Variants in GRIN2A observed in about 807,000 individuals in gnomAD.
The protein encoded by GRIN2A is glutamate ionotropic receptor NMDA type subunit 2A.
A neutral mutation model predicts 113.4 loss-of-function variants in GRIN2A; 22 were observed. That is an observed-to-expected ratio of 0.19 (90% CI 0.14 to 0.28). GRIN2A has a LOEUF of 0.28. Ranked by LOEUF, GRIN2A falls within the 10% of genes least tolerant of loss-of-function variation. GRIN2A has a pLI of 1.00. For missense variants in GRIN2A, 1,502 were observed against 1,887.0 expected, an observed-to-expected ratio of 0.80 and a Z score of 3.78; for synonymous variants, 827 against 738.4, an observed-to-expected ratio of 1.12 and a Z score of -1.94.
chr16:10,034,338 A>C (rs2046983970), intron 2 of GRIN2A, among the ~76,000 whole-genome samples: 1 of 151,924 alleles, frequency 6.6e-6, no homozygotes, highest in Admixed American at 6.6e-5. Flanking sequence ...CATCTTGGCC[A>C]ATATGGTGAA....
intron 2 of GRIN2A, among the ~76,000 whole-genome samples, chr16:10,139,666 C>T (rs1327476522): frequency 3.3e-5 from 5 of 152,080 alleles, no homozygotes; most frequent in African/African-American, 1.2e-4. Flanking sequence ...TGCAACCTTA[C>T]CCAAACATAC....
At chr16:10,124,936 T>C (rs896597797) in intron 2 of GRIN2A, among the ~76,000 whole-genome samples, 8 of 151,988 alleles carry the variant, frequency 5.3e-5, no homozygotes, top group African/African-American at 1.7e-4. Context: ...CAGTGCAGAA[T>C]AGTGGGAAGA....
chr16:9,892,775 T>G (rs952052727), intron 3 of GRIN2A, among the ~76,000 whole-genome samples: 1 of 151,874 alleles, frequency 6.6e-6, no homozygotes, highest in Non-Finnish European at 1.5e-5. Context: ...TTGAGAAAAA[T>G]GTGATGTCGT....
chr16:10,155,662 T>C (rs1460037803), intron 2 of GRIN2A, among the ~76,000 whole-genome samples: 2 of 152,188 alleles, frequency 1.3e-5, no homozygotes, highest in African/African-American at 4.8e-5. Context: ...TGGTAACTTA[T>C]AAGGGAAAGA....
intron 2 of GRIN2A, among the ~76,000 whole-genome samples, chr16:10,070,148 C>G (rs575523595): frequency 6.6e-6 from 1 of 152,336 alleles, no homozygotes; most frequent in Admixed American, 6.5e-5. Flanking sequence ...ATCCTCAACT[C>G]GGGGAAGTCC....
intron 2 of GRIN2A, among the ~76,000 whole-genome samples, chr16:10,106,447 G>GA (rs937238384): frequency 4.0e-5 from 6 of 151,786 alleles, no homozygotes; most frequent in Non-Finnish European, 5.9e-5. Context: ...ATAAAAATAA[G>GA]AAAAACCTCC....
At chr16:10,098,465 A>G (rs909275003) in intron 2 of GRIN2A, among the ~76,000 whole-genome samples, 1 of 152,232 alleles carries the variant, frequency 6.6e-6, no homozygotes, top group Non-Finnish European at 1.5e-5. Context: ...ATCTACCCAG[A>G]GGAAAAGAAG....
chr16:9,856,120 C>T (rs1596502644), intron 4 of GRIN2A, among the ~76,000 whole-genome samples: 1 of 152,228 alleles, frequency 6.6e-6, no homozygotes, highest in Non-Finnish European at 1.5e-5. Flanking sequence ...CTCAAGGCAA[C>T]TGTAGGACAT....
chr16:9,944,427 C>T (rs963205796), intron 2 of GRIN2A, among the ~76,000 whole-genome samples: 1 of 152,140 alleles, frequency 6.6e-6, no homozygotes, highest in African/African-American at 2.4e-5. Flanking sequence ...CCTCCCTCCC[C>T]CTTCCTCTGT....
At chr16:9,953,863 C>A (rs2045241202) in intron 2 of GRIN2A, among the ~76,000 whole-genome samples, 1 of 152,114 alleles carries the variant, frequency 6.6e-6, no homozygotes, top group South Asian at 2.1e-4. Flanking sequence ...AGAAGCACAA[C>A]CTCAGAGTGG....
intron 4 of GRIN2A, among the ~76,000 whole-genome samples, chr16:9,886,420 G>A (rs573265775): frequency 1.3e-5 from 2 of 152,274 alleles, no homozygotes; most frequent in South Asian, 2.1e-4. Context: ...AAGGAACCCA[G>A]TATATACATT....
intron 2 of GRIN2A, among the ~76,000 whole-genome samples, chr16:9,988,701 A>G (rs2046036553): frequency 2.0e-5 from 3 of 152,194 alleles, no homozygotes. Context: ...CTCCATTATG[A>G]GGAACAGGGA....
intron 2 of GRIN2A, among the ~76,000 whole-genome samples, chr16:10,070,600 A>C (rs2047730779): frequency 6.6e-6 from 1 of 152,162 alleles, no homozygotes; most frequent in South Asian, 2.1e-4. Flanking sequence ...TCCTAGTGAC[A>C]CTGAGATATT....
At chr16:9,914,905 CTTTTTTTTTTTTTTTTTTTTTT>C (rs869182389) in intron 3 of GRIN2A, among the ~76,000 whole-genome samples, 367 of 33,456 alleles carry the variant, frequency 0.011, 8 homozygotes, top group African/African-American at 0.028. Context: ...GATTATGCAG[CTTTTTTTTTTTTTTTTTTTTTT>C]TTTTTTTTTT....
chr16:10,156,075 G>C (rs914218377), intron 2 of GRIN2A, among the ~76,000 whole-genome samples: 1 of 152,180 alleles, frequency 6.6e-6, no homozygotes, highest in African/African-American at 2.4e-5. Flanking sequence ...ATCTAGCCCA[G>C]GGTCCAGGAA....
chr16:9,956,487 C>T lies in GRIN2A; in HGVS notation c.415-17936G>A, dbSNP rs376763422. Among the ~76,000 whole-genome samples the T allele has an allele frequency of 6.6e-5, 10 of 152,204 alleles. No homozygotes were observed. The East Asian group carries it at 1.7e-3, about 26-fold the overall frequency. On this transcript the variant is annotated intron_variant, in intron 2 of 12. Coordinates refer to ENST00000330684, the MANE Select transcript of GRIN2A (RefSeq NM_001134407.3). Reference sequence around the variant, plus strand: ...CCAACTTCTAGAACTGCACAGTGAGCCAGATGTCAATTATCACTTAACTGT... The same window carrying T: ...CCAACTTCTAGAACTGCACAGTGAGTCAGATGTCAATTATCACTTAACTGT...
At chr16:9,863,228 G>T (rs1438745313) in intron 4 of GRIN2A, among the ~76,000 whole-genome samples, 1 of 152,132 alleles carries the variant, frequency 6.6e-6, no homozygotes, top group Non-Finnish European at 1.5e-5. Context: ...GGATCAGTTG[G>T]GAAGACAGTA....
intron 4 of GRIN2A, among the ~76,000 whole-genome samples, chr16:9,858,189 A>G (rs557374637): frequency 1.3e-5 from 2 of 151,344 alleles, no homozygotes; most frequent in Admixed American, 1.3e-4. Context: ...ACAACTTATC[A>G]GAAAATAAAT....
intron 2 of GRIN2A, among the ~76,000 whole-genome samples, chr16:9,994,056 C>T (rs1448175356): frequency 6.6e-6 from 1 of 152,218 alleles, no homozygotes; most frequent in Non-Finnish European, 1.5e-5. Context: ...AAATCCATCA[C>T]ATGGAATATC....
Sources: gnomAD v4.1 joint callset for allele counts (sites outside exome capture counted in the v4.1 genomes callset) on GRCh38, gnomAD v4.1.1 for gene constraint, MANE v1.5 for transcripts, NCBI Gene and HGNC (gene_info 2026-07-23, HGNC 2026-07-21) for gene names.